Variants in HERC1 observed in about 807,000 individuals in gnomAD.
The protein encoded by HERC1 is probable E3 ubiquitin-protein ligase HERC1.
A neutral mutation model predicts 554.3 loss-of-function variants in HERC1; 160 were observed. The ratio of observed to expected loss-of-function variants is 0.29; its 90% CI spans 0.25 to 0.33. The LOEUF (loss-of-function observed/expected upper bound fraction) is 0.33. Among genes scored for constraint, HERC1 ranks in the 10% least tolerant of loss-of-function variants. The pLI is 1.00. For missense variants in HERC1, 4,919 were observed against 5,918.5 expected (o/e 0.83, Z 5.54); for synonymous variants, 2,175 against 2,131.7 (o/e 1.02, Z -0.56).
In HERC1 at chr15:63,710,619, C is replaced by T. The variant is rs1005410205; in HGVS notation, c.4584+2156G>A. Among the ~76,000 whole-genome samples the T allele has an allele frequency of 7.9e-5, 12 of 151,968 alleles. No individual in the cohort carries two copies. The East Asian group carries it at 9.6e-4, about 12-fold the overall frequency. ...ATAACTAAATTATACAGTAAGTGAT[C>T]GGTGCCCCAGAAAAAACAAAGCAAG... On this transcript the variant is annotated intron_variant, in intron 24 of 77. Coordinates refer to ENST00000443617, the MANE Select transcript of HERC1 (RefSeq NM_003922.4).
intron 38 of HERC1, 66 bp from the exon 39 acceptor site, chr15:63,672,760 T>C: frequency 9.4e-7 from 1 of 1,062,646 alleles, no homozygotes; most frequent in Non-Finnish European, 1.3e-6. Flanking sequence ...ACAGCGGGAA[T>C]AAAAAACTTC....
intron 16 of HERC1, 141 bp downstream of exon 16, chr15:63,729,095 C>A: frequency 1.3e-6 from 1 of 796,930 alleles, no homozygotes; most frequent in Non-Finnish European, 1.9e-6. Flanking sequence ...ACCCCCAAAC[C>A]AAGACTAAAG....
chr15:63,829,543 A>G lies in HERC1; in HGVS notation c.-27+4284T>C, dbSNP rs201443157. On this transcript the variant is annotated intron_variant, in intron 1 of 77. Transcript: ENST00000443617. ...AAATAATATGTGTGCACATATATGT[A>G]TGTGTGTGTGTGTGTGTGTATATAT... 1.1e-3 allele frequency among the ~76,000 whole-genome samples: 101 copies of G among 89,650 alleles called. 3 individuals are homozygous for G. The East Asian group carries it at 0.012, about 11-fold the overall frequency. 58.8% of individuals were successfully genotyped at this position (89,650 alleles called of 152,430 possible). A position where few individuals can be genotyped will look rare whatever the true frequency, so the allele number is the denominator to read the frequency against.
At position 63,666,077 on chromosome 15, in the gene HERC1, C is replaced by T; in HGVS notation, c.8397G>A (p.Glu2799=). ...TGCCCGACTGGGGCTCCTCTTCATC[C>T]TCATGCCCAGGGTGCTCTATCATCC... ...AMWMIEHPGH[E]DEEEPQSGST... is the part of the protein sequence containing the mutation. The change falls in exon 42 of 78, where the codon GAG becomes GAA. Residue 2799 remains glutamate, a synonymous_variant. Transcript: ENST00000443617. 6.2e-7 allele frequency: 1 copy of T among 1,614,030 alleles called. No homozygotes were observed. Among genetic ancestry groups the T allele is most frequent in the Non-Finnish European group, 8.5e-7 (1 of 1,179,882 alleles).
chr15:63,803,645 T>C (rs74019023), intron 1 of HERC1, among the ~76,000 whole-genome samples: 1 of 152,180 alleles, frequency 6.6e-6, no homozygotes, highest in Non-Finnish European at 1.5e-5. Flanking sequence ...CAATTGCCAA[T>C]TCAGTTCCTT....
intron 3 of HERC1, among the ~76,000 whole-genome samples, chr15:63,763,758 T>C (rs964192716): frequency 6.6e-6 from 1 of 152,090 alleles, no homozygotes; most frequent in Non-Finnish European, 1.5e-5. Context: ...ATTCTTTACC[T>C]AGGTACATAT....
intron 74 of HERC1, among the ~76,000 whole-genome samples, chr15:63,617,265 GT>G (rs1472189928): frequency 1.3e-5 from 2 of 152,126 alleles, no homozygotes; most frequent in Non-Finnish European, 2.9e-5. Flanking sequence ...GAAGTGTTTG[GT>G]TTTTTGTCCT....
chr15:63,765,800 C>T, intron 2 of HERC1, among the ~76,000 whole-genome samples: 1 of 152,152 alleles, frequency 6.6e-6, no homozygotes, highest in East Asian at 1.9e-4. Flanking sequence ...GCCTTGGGCA[C>T]CTGCCACCAG....
At chr15:63,710,234 G>T (rs2073225364) in intron 24 of HERC1, among the ~76,000 whole-genome samples, 2 of 152,140 alleles carry the variant, frequency 1.3e-5, no homozygotes, top group Non-Finnish European at 2.9e-5. Context: ...TGTTTGAGTA[G>T]GAAAGTAGCA....
chr15:63,783,901 A>G (rs564233108), intron 1 of HERC1, among the ~76,000 whole-genome samples: 17 of 152,160 alleles, frequency 1.1e-4, no homozygotes, highest in African/African-American at 3.9e-4. Context: ...CCCCGTCTCT[A>G]ATAAAAATAC....
At chr15:63,761,152 C>T (rs1246838065) in intron 3 of HERC1, among the ~76,000 whole-genome samples, 1 of 152,138 alleles carries the variant, frequency 6.6e-6, no homozygotes, top group African/African-American at 2.4e-5. Flanking sequence ...AAATCTTGTT[C>T]TGATGAGTCT....
At chr15:63,711,258 G>A (rs145925300) in intron 24 of HERC1, among the ~76,000 whole-genome samples, 24 of 152,282 alleles carry the variant, frequency 1.6e-4, no homozygotes, top group Middle Eastern at 3.4e-3. Flanking sequence ...TCAGGAGTTC[G>A]AGGCTGCACT....
chr15:63,741,119 C>G (rs1308247988), intron 12 of HERC1, among the ~76,000 whole-genome samples: 1 of 151,842 alleles, frequency 6.6e-6, no homozygotes, highest in African/African-American at 2.4e-5. Flanking sequence ...ACCTCTGCCT[C>G]CCAGGTTCAA....
intron 48 of HERC1, among the ~76,000 whole-genome samples, chr15:63,657,550 A>T (rs1386693558): frequency 6.6e-6 from 1 of 152,084 alleles, no homozygotes; most frequent in East Asian, 1.9e-4. Context: ...TGCATTACTA[A>T]TATCTTCTCC....
At position 63,687,416 on chromosome 15, in the gene HERC1, T is replaced by C. The variant is rs540304696; in HGVS notation, c.6049-881A>G. Among the ~76,000 whole-genome samples the C allele has an allele frequency of 4.6e-5, 7 of 152,194 alleles. No homozygotes were observed. In the East Asian group the frequency reaches 1.4e-3, roughly 29 times the overall value. On this transcript the variant is annotated intron_variant, in intron 33 of 77. Transcript: ENST00000443617. The stretch of plus-strand genomic sequence containing the variant: ...AGTCAGGTGTGGTGGCAGGTGCCTG[T>C]AATCCCAGCTACTTAGGAAGCTGAG...
intron 1 of HERC1, among the ~76,000 whole-genome samples, chr15:63,792,377 C>G (rs977020802): frequency 3.9e-5 from 6 of 152,164 alleles, no homozygotes; most frequent in Non-Finnish European, 7.4e-5. Context: ...ATTCTATCCA[C>G]CTCTGGAAGG....
intron 33 of HERC1, among the ~76,000 whole-genome samples, chr15:63,689,279 G>A (rs1163561969): frequency 2.0e-5 from 3 of 152,148 alleles, no homozygotes; most frequent in African/African-American, 7.2e-5. Context: ...ATAAATGGTG[G>A]GGTTGAAGAG....
In HERC1 at chr15:63,620,963, C is replaced by T. The variant is rs1055845372; in HGVS notation, c.13688+1852G>A. ...TCTTTATCCAATTTGCCAGTCTGTG[C>T]CTTTTAATTGGAGCATTTAGCCCAT... On this transcript the variant is annotated intron_variant, in intron 74 of 77. Transcript: ENST00000443617. Among the ~76,000 whole-genome samples the T allele has an allele frequency of 4.4e-4, 67 of 152,180 alleles. 1 individual carries two copies. The highest frequency in any genetic ancestry group is 1.5e-3 in the African/African-American group (62 of 41,526).
intron 1 of HERC1, among the ~76,000 whole-genome samples, chr15:63,819,552 G>A (rs941395987): frequency 6.6e-6 from 1 of 152,016 alleles, no homozygotes; most frequent in African/African-American, 2.4e-5. Flanking sequence ...TTTTAATAGC[G>A]AAGTCCAGTC....
Sources: gnomAD v4.1 joint callset for allele counts (sites outside exome capture counted in the v4.1 genomes callset) on GRCh38, gnomAD v4.1.1 for gene constraint, MANE v1.5 for transcripts, NCBI Gene and HGNC (gene_info 2026-07-23, HGNC 2026-07-21) for gene names.